The following HGS variants were observed in gnomAD, a reference collection of about 807,000 sequenced individuals.
The protein encoded by HGS is human growth factor-regulated tyrosine kinase substrate.
A neutral mutation model predicts 109.7 loss-of-function variants in HGS; 63 were observed. That is an observed-to-expected ratio of 0.57 (90% CI 0.47 to 0.71). The LOEUF (loss-of-function observed/expected upper bound fraction) is 0.71, where lower values mean the gene tolerates loss of function less well. Ranked by LOEUF, HGS falls within the 30% of genes least tolerant of loss-of-function variation. HGS has a pLI of 0.00. For synonymous variants in HGS, 546 were observed against 437.3 expected (o/e 1.25, Z -3.10); for missense variants, 995 against 1,068.3 (o/e 0.93, Z 0.96).
chr17:81,698,168 C>T (rs532204354), intron 18 of HGS: 12 of 152,280 alleles, frequency 7.9e-5, no homozygotes, highest in African/African-American at 2.4e-4. Context: ...CGTGGTGGCA[C>T]GTGCCTGTAA....
chr17:81,685,823 T>C (rs1333512626), intron 2 of HGS, 134 bp downstream of exon 2: 3 of 604,396 alleles, frequency 5.0e-6, no homozygotes, highest in Non-Finnish European at 8.5e-6. Context: ...ATGGGCTACA[T>C]GCTAGGATTT....
At chr17:81,694,241 C>T (rs918625540) in intron 11 of HGS, among the ~76,000 whole-genome samples, 1 of 152,218 alleles carries the variant, frequency 6.6e-6, no homozygotes, top group Non-Finnish European at 1.5e-5. Context: ...CTTCCACACC[C>T]CTCCCGCCCC....
intron 15 of HGS, 171 bp from the exon 16 acceptor site, chr17:81,696,186 C>T: frequency 1.0e-6 from 1 of 973,520 alleles, no homozygotes; most frequent in Non-Finnish European, 1.5e-6. Context: ...CCCTGCCCTG[C>T]CCTGCCCTGC....
rs866547277 is a variant in HGS, at chr17:81,701,074, T to A, written c.2166T>A (p.Asp722Glu). ...QNLMTTLPSQDASLPPQQPYI... is the reference protein window; with the variant it reads ...QNLMTTLPSQEASLPPQQPYI... ...TCATGACCACCCTCCCAAGCCAGGA[T>A]GCGTCTCTGCCACCCCAGCAGCCCT... is the stretch of plus-strand genomic sequence containing the variant. The change falls in exon 21 of 22, where the codon GAT (aspartate) becomes GAA (glutamate). Residue 722 changes from aspartate to glutamate, a missense_variant. This residue lies in a region of HGS where 326 missense variants were observed against 309.7 expected (regional missense o/e 1.05). Transcript: ENST00000329138. 1.9e-6 allele frequency: 3 copies of A among 1,614,030 alleles called. No homozygotes were observed. The highest frequency in any genetic ancestry group is 1.3e-5 in the African/African-American group (1 of 75,054).
At chr17:81,695,634 G>A (rs1216980644) in intron 14 of HGS, 152 bp from the exon 15 acceptor site, 5 of 687,874 alleles carry the variant, frequency 7.3e-6, no homozygotes, top group East Asian at 2.8e-5. Context: ...CCAGGGCCTC[G>A]CCTTCCTCAG....
At chr17:81,694,185 A>T (rs1416011430) in intron 11 of HGS, among the ~76,000 whole-genome samples, 1 of 152,166 alleles carries the variant, frequency 6.6e-6, no homozygotes, top group African/African-American at 2.4e-5. Context: ...GACTGAGGAC[A>T]TGGGACAGGC....
chr17:81,699,552 C>T (rs1437755451), intron 18 of HGS, among the ~76,000 whole-genome samples: 5 of 152,250 alleles, frequency 3.3e-5, no homozygotes, highest in Non-Finnish European at 5.9e-5. Context: ...CAGCCTCCTG[C>T]GTAGCTGGGA....
At chr17:81,695,611 AAGGACCCCGCCTCC>A in intron 14 of HGS, 161 bp from the exon 15 acceptor site, 1 of 640,424 alleles carries the variant, frequency 1.6e-6, no homozygotes, top group Non-Finnish European at 2.7e-6. Flanking sequence ...GCAGCTGGAC[AAGGACCCCGCCTCC>A]AGGGCCTCGC....
At position 81,691,693 on chromosome 17, in the gene HGS, C is replaced by T; in HGVS notation, c.662+122C>T. On this transcript the variant is annotated intron_variant, in intron 8 of 21. Transcript: ENST00000329138. This position sits in a 1 kb window ranked among gnomAD's most constrained non-coding sequence, Gnocchi z 5.3. The stretch of plus-strand genomic sequence containing the variant: ...CCAGAGGACCCTCACAGCACAGCAG[C>T]TGGAAGGTCAAGGGAAACCCAGGGT... 7.5e-7 allele frequency: 1 copy of T among 1,329,202 alleles called. No individual in the cohort carries two copies. Among genetic ancestry groups the T allele is most frequent in the Non-Finnish European group, 1.1e-6 (1 of 951,298 alleles). 82.3% of individuals were successfully genotyped at this position (1,329,202 alleles called of 1,614,324 possible). A position where few individuals can be genotyped will look rare whatever the true frequency, so the allele number is the denominator to read the frequency against.
Position 81,687,055 on chromosome 17 carries a change from C to T in HGS, c.251C>T (p.Ala84Val). 1 of 1,613,318 alleles carries T rather than the reference C, an allele frequency of 6.2e-7. No individual in the cohort carries two copies. Among genetic ancestry groups the T allele is most frequent in the Non-Finnish European group, 8.5e-7 (1 of 1,179,878 alleles). ...GGCCAGACAGTTCATGATGAGGTGG[C>T]CAACAAGCAGACCATGGAGGAGCTG... ...NCGQTVHDEV[A>V]NKQTMEELKD... Residue 84 changes from alanine (A) to valine (V), a missense_variant, in exon 4 of 22, where the codon GCC becomes GTC. Physicochemically the swap from Ala to Val is moderately conservative, Grantham distance 64 (BLOSUM62 0). This residue lies in a region of HGS where 182 missense variants were observed against 261.3 expected (regional missense o/e 0.70). Transcript: ENST00000329138.
chr17:81,701,765 A>ACCT lies in HGS; in HGVS notation c.*150_*152dup. 1 of 1,208,154 alleles carries ACCT rather than the reference A, an allele frequency of 8.3e-7. No individual in the cohort carries two copies. Among genetic ancestry groups the ACCT allele is most frequent in the Non-Finnish European group, 1.1e-6 (1 of 896,810 alleles). The allele number at this position is 1,208,154 out of a possible 1,614,324, so 74.8% of individuals were successfully genotyped here. On this transcript the variant is annotated 3_prime_UTR_variant, in exon 22 of 22. Transcript: ENST00000329138. ...GAGGGGGGGCCTTCACCCCAAGCCC[A>ACCT]CCTCCCTTGTCCTCAGCCTACTGCA... is the stretch of plus-strand genomic sequence containing the variant.
chr17:81,684,021 G>C lies in HGS; in HGVS notation c.-46G>C, dbSNP rs762394149. 8.9e-6 allele frequency: 14 copies of C among 1,571,254 alleles called. 1 individual carries two copies. Among genetic ancestry groups the C allele is most frequent in the African/African-American group, 6.7e-5 (5 of 74,284 alleles). On this transcript the variant is annotated 5_prime_UTR_variant, in exon 1 of 22. Transcript: ENST00000329138. Reference sequence around the variant, plus strand: ...CGGAAGTCGGGGGGCGCGCCAGCTCGTAGCAGGGGAGCGCCCGCGGCGTCG... The same window carrying C: ...CGGAAGTCGGGGGGCGCGCCAGCTCCTAGCAGGGGAGCGCCCGCGGCGTCG...
At chr17:81,687,940 C>T (rs1233614322) in intron 4 of HGS, among the ~76,000 whole-genome samples, 1 of 152,186 alleles carries the variant, frequency 6.6e-6, no homozygotes, top group Non-Finnish European at 1.5e-5. Flanking sequence ...GCGGAAGGTG[C>T]CGGAGTCTGG....
chr17:81,691,334 C>T lies in HGS; in HGVS notation c.538-113C>T, dbSNP rs1315574886. 1.7e-5 allele frequency: 23 copies of T among 1,342,366 alleles called. No homozygotes were observed. Among genetic ancestry groups the T allele is most frequent in the Non-Finnish European group, 2.2e-5 (21 of 959,886 alleles). 83.2% of individuals were successfully genotyped at this position (1,342,366 alleles called of 1,614,324 possible). A position where few individuals can be genotyped will look rare whatever the true frequency, so the allele number is the denominator to read the frequency against. ...AGGCACTTGTTCTGCTTGTCCCTTGCCTTCCCCCACCTGTGAGGCCCAGCT... is the reference window on the plus strand; with the variant it reads ...AGGCACTTGTTCTGCTTGTCCCTTGTCTTCCCCCACCTGTGAGGCCCAGCT... On this transcript the variant is annotated intron_variant, in intron 7 of 21. Transcript: ENST00000329138. The surrounding 1 kb of genome is among the most constrained non-coding windows in gnomAD (Gnocchi z 5.3).
In HGS at chr17:81,687,244, A is replaced by C. The variant is rs529603163; in HGVS notation, c.291+149A>C. ...TGGTCCCTGCACTGCGCAAGCTCGC[A>C]CTCATGAGTCGGAGAGACAGGGCCG... On this transcript the variant is annotated intron_variant, in intron 4 of 21. Transcript: ENST00000329138. The C allele has an allele frequency of 1.0e-4, 67 of 645,518 alleles. 1 individual carries two copies. The South Asian group carries it at 1.1e-3, about 11-fold the overall frequency. 40.0% of individuals were successfully genotyped at this position (645,518 alleles called of 1,614,324 possible). A position where few individuals can be genotyped will look rare whatever the true frequency, so the allele number is the denominator to read the frequency against.
chr17:81,698,839 C>A (rs1340965243), intron 18 of HGS, among the ~76,000 whole-genome samples: 2 of 152,148 alleles, frequency 1.3e-5, no homozygotes, highest in African/African-American at 4.8e-5. Context: ...GAGGCCAAGG[C>A]GCGTGGCTCA....
chr17:81,694,694 C>T (rs1206098870), intron 11 of HGS, 121 bp from the exon 12 acceptor site: 14 of 1,187,446 alleles, frequency 1.2e-5, no homozygotes, highest in African/African-American at 4.5e-5. Context: ...GAGGAGGGCA[C>T]GGAGGGAGGG....
Position 81,691,397 on chromosome 17 carries a change from A to T in HGS, c.538-50A>T, listed in dbSNP as rs2037062089. On this transcript the variant is annotated intron_variant, in intron 7 of 21. Transcript: ENST00000329138. The surrounding 1 kb of genome is among the most constrained non-coding windows in gnomAD (Gnocchi z 5.3). ...GGGGTGGTTCTGGGCCGGGTGGCGC[A>T]TCAGGGTCCCCCAGTGCCTGTGACC... 1 of 1,609,576 alleles carries T rather than the reference A, an allele frequency of 6.2e-7. No homozygotes were observed. The highest frequency in any genetic ancestry group is 1.7e-5 in the Admixed American group (1 of 59,940).
intron 6 of HGS, 196 bp downstream of exon 6, chr17:81,690,430 T>G (rs2037045891): frequency 4.5e-6 from 3 of 661,792 alleles, no homozygotes; most frequent in Non-Finnish European, 7.7e-6. Flanking sequence ...CTTGAGGGCC[T>G]TTAGAGTGGC....
Sources: gnomAD v4.1 joint callset for allele counts (sites outside exome capture counted in the v4.1 genomes callset) on GRCh38, gnomAD v4.1.1 for gene constraint, gnomAD v4.1.1 regional missense constraint, Gnocchi (gnomAD v3.1) non-coding constraint, MANE v1.5 for transcripts, NCBI Gene and HGNC (gene_info 2026-07-23, HGNC 2026-07-21) for gene names.